The following PPP3CA variants were observed in gnomAD, a reference collection of about 807,000 sequenced individuals.
The protein encoded by PPP3CA is CAM-PRP catalytic subunit.
In PPP3CA, 14 loss-of-function variants were observed where a neutral mutation model predicts 66.5. The ratio of observed to expected loss-of-function variants is 0.21; its 90% confidence interval spans 0.14 to 0.33. PPP3CA has a LOEUF of 0.33. PPP3CA is among the 10% of genes least tolerant of loss of function. The pLI is 1.00. For missense variants in PPP3CA, 317 were observed against 639.5 expected, an observed-to-expected ratio of 0.50 and a Z score of 5.44; for synonymous variants, 232 against 226.2, an observed-to-expected ratio of 1.03 and a Z score of -0.23.
At chr4:101,313,396 T>C (rs533236855) in intron 1 of PPP3CA, among the ~76,000 whole-genome samples, 1 of 152,202 alleles carries the variant, frequency 6.6e-6, no homozygotes, top group South Asian at 2.1e-4. Flanking sequence ...AAGTAGAGAG[T>C]CATCTTCATT....
chr4:101,026,113 A>G (rs1166028363), intron 13 of PPP3CA, 52 bp from the exon 14 acceptor site: 2 of 1,454,572 alleles, frequency 1.4e-6, no homozygotes, highest in Admixed American at 2.1e-5. Context: ...AAAGGAAAAC[A>G]AAGGGCACAG....
intron 2 of PPP3CA, among the ~76,000 whole-genome samples, chr4:101,115,052 G>A (rs1023456978): frequency 2.1e-4 from 32 of 151,984 alleles, no homozygotes; most frequent in Non-Finnish European, 2.9e-4. Flanking sequence ...GGTAGTCCAG[G>A]AGTCATTAAA....
intron 1 of PPP3CA, among the ~76,000 whole-genome samples, chr4:101,286,796 G>A (rs1440315742): frequency 2.0e-5 from 3 of 152,134 alleles, no homozygotes; most frequent in African/African-American, 4.8e-5. Flanking sequence ...GACCATCTCA[G>A]GAGAATCTGA....
rs1560605216 is a variant in PPP3CA at position 101,106,458 on chromosome 4, A to AGAAAGAAAGAAAGAAAGAAAG, written c.384+2495_384+2496insCTTTCTTTCTTTCTTTCTTTC. On this transcript the variant is annotated intron_variant, in intron 3 of 13. Coordinates refer to ENST00000394854, the MANE Select transcript of PPP3CA (RefSeq NM_000944.5). Reference sequence around the variant, plus strand: ...GAAAGAAAGAAAGAAAGAAAGAGAAAAGAAAAGAAAAGAAAAGAAAAGAAA... The same window carrying AGAAAGAAAGAAAGAAAGAAAG: ...GAAAGAAAGAAAGAAAGAAAGAGAAAGAAAGAAAGAAAGAAAGAAAGAGAAAAGAAAAGAAAAGAAAAGAAA... Among the ~76,000 whole-genome samples, 3 of 32,674 alleles carry AGAAAGAAAGAAAGAAAGAAAG rather than the reference A, an allele frequency of 9.2e-5. 1 individual carries two copies. Among genetic ancestry groups the AGAAAGAAAGAAAGAAAGAAAG allele is most frequent in the Non-Finnish European group, 1.2e-4 (2 of 17,304 alleles). 21.4% of individuals were successfully genotyped at this position (32,674 alleles called of 152,430 possible). A position where few individuals can be genotyped will look rare whatever the true frequency, so the allele number is the denominator to read the frequency against.
Position 101,197,278 on chromosome 4 carries a change from G to T in PPP3CA, c.59-1162C>A, listed in dbSNP as rs76559578. Among the ~76,000 whole-genome samples, 693 of 152,264 alleles carry T rather than the reference G, an allele frequency of 4.6e-3. 7 individuals carry two copies. The highest frequency in any genetic ancestry group is 0.016 in the African/African-American group (657 of 41,542). ...CAGGAGACCTATGCCAAAAAATTGT[G>T]TTAATCTAATGGCATAGATTTGTAA... On this transcript the variant is annotated intron_variant, in intron 1 of 13. Transcript: ENST00000394854.
At chr4:101,330,546 C>A (rs1729351355) in intron 1 of PPP3CA, 1 of 443,968 alleles carries the variant, frequency 2.3e-6, no homozygotes, top group Non-Finnish European at 4.6e-6. Flanking sequence ...TGCTATTGCA[C>A]ACTTAACAGA....
intron 1 of PPP3CA, among the ~76,000 whole-genome samples, chr4:101,208,248 C>T (rs887592100): frequency 3.9e-5 from 6 of 152,098 alleles, no homozygotes; most frequent in Admixed American, 1.3e-4. Context: ...CACACACACA[C>T]AATCAGATGA....
At chr4:101,281,342 A>T (rs572926578) in intron 1 of PPP3CA, among the ~76,000 whole-genome samples, 139 of 152,346 alleles carry the variant, frequency 9.1e-4, no homozygotes, top group African/African-American at 3.0e-3. Flanking sequence ...ATTTCAAGAC[A>T]GTAAAAACTA....
intron 1 of PPP3CA, among the ~76,000 whole-genome samples, chr4:101,228,464 T>G (rs1003538129): frequency 1.5e-4 from 23 of 151,580 alleles, no homozygotes; most frequent in African/African-American, 5.6e-4. Flanking sequence ...ACCAAACAAA[T>G]GACATTAGAG....
intron 2 of PPP3CA, among the ~76,000 whole-genome samples, chr4:101,121,001 T>C (rs1018714837): frequency 1.3e-5 from 2 of 152,132 alleles, no homozygotes; most frequent in Non-Finnish European, 2.9e-5. Flanking sequence ...ATGGTATATA[T>C]GGCATATAAA....
At chr4:101,082,667 G>C (rs1729489801) in intron 7 of PPP3CA, among the ~76,000 whole-genome samples, 1 of 152,142 alleles carries the variant, frequency 6.6e-6, no homozygotes, top group East Asian at 1.9e-4. Context: ...TTGCTAGTTA[G>C]AACATAAACT....
chr4:101,252,729 C>T (rs2119601), intron 1 of PPP3CA, among the ~76,000 whole-genome samples: 21,547 of 152,168 alleles, frequency 0.14, 1,814 homozygotes, highest in African/African-American at 0.22. Context: ...AACTTCTTTA[C>T]ACATTTGCAG....
intron 1 of PPP3CA, among the ~76,000 whole-genome samples, chr4:101,233,470 T>C (rs1726028966): frequency 6.6e-6 from 1 of 151,820 alleles, no homozygotes; most frequent in African/African-American, 2.4e-5. Context: ...ATTTGGTTTC[T>C]TGTAGCAGTT....
intron 3 of PPP3CA, among the ~76,000 whole-genome samples, chr4:101,104,034 T>G (rs560031195): frequency 3.3e-5 from 5 of 152,124 alleles, no homozygotes; most frequent in Non-Finnish European, 5.9e-5. Flanking sequence ...AGGAGAAGAC[T>G]GGGGTGGGGG....
chr4:101,217,297 C>G (rs1163058820), intron 1 of PPP3CA, among the ~76,000 whole-genome samples: 1 of 152,094 alleles, frequency 6.6e-6, no homozygotes, highest in Non-Finnish European at 1.5e-5. Flanking sequence ...ATAACCTGTT[C>G]AGGTTCACTC....
intron 1 of PPP3CA, among the ~76,000 whole-genome samples, chr4:101,316,125 A>C (rs1460722119): frequency 6.6e-6 from 1 of 151,992 alleles, no homozygotes; most frequent in Non-Finnish European, 1.5e-5. Flanking sequence ...TCACGTGACT[A>C]CAAAGGAATC....
intron 2 of PPP3CA, among the ~76,000 whole-genome samples, chr4:101,176,613 G>A (rs1170144320): frequency 6.6e-6 from 1 of 152,102 alleles, no homozygotes; most frequent in Non-Finnish European, 1.5e-5. Flanking sequence ...TAGCACAGAA[G>A]AAAATCAAAC....
At chr4:101,181,267 A>T (rs934058181) in intron 2 of PPP3CA, among the ~76,000 whole-genome samples, 20 of 152,150 alleles carry the variant, frequency 1.3e-4, no homozygotes, top group African/African-American at 4.1e-4. Flanking sequence ...ACAGACTTTT[A>T]CTGGGTATAT....
chr4:101,048,474 C>A (rs1727864123), intron 10 of PPP3CA, among the ~76,000 whole-genome samples: 1 of 111,102 alleles, frequency 9.0e-6, no homozygotes, highest in South Asian at 3.0e-4. Flanking sequence ...TCAGTGCAGT[C>A]AATGTGAATC....
Sources: allele counts gnomAD v4.1 joint callset (sites outside exome capture counted in the v4.1 genomes callset), GRCh38; gene constraint gnomAD v4.1.1; transcripts MANE v1.5; gene names NCBI Gene and HGNC (gene_info 2026-07-23, HGNC 2026-07-21).